The following ZEB2 variants were observed in gnomAD, a reference collection of about 807,000 sequenced individuals.
The protein encoded by ZEB2 is zinc finger E-box binding homeobox 2.
Under a neutral mutation model 99.9 loss-of-function variants are expected in ZEB2, and 6 were observed. The observed-to-expected ratio is 0.06, with a 90% CI of 0.03 to 0.12. The LOEUF (loss-of-function observed/expected upper bound fraction) is 0.12, where lower values mean the gene tolerates loss of function less well. Ranked by LOEUF, ZEB2 falls within the 10% of genes least tolerant of loss-of-function variation. The pLI, the probability that ZEB2 is intolerant of heterozygous loss-of-function variation, is 1.00. For missense variants in ZEB2, 969 were observed against 1,502.8 expected (o/e 0.64, Z 5.87); for synonymous variants, 517 against 542.5 (o/e 0.95, Z 0.65).
intron 3 of ZEB2, among the ~76,000 whole-genome samples, chr2:144,425,179 GTCAAAAGCAACTAAGTA>G (rs752308470): frequency 1.3e-5 from 2 of 152,176 alleles, no homozygotes; most frequent in Non-Finnish European, 2.9e-5. Flanking sequence ...TTCAATAAGA[GTCAAAAGCAACTAAGTA>G]TTTGCACTCA....
intron 2 of ZEB2, chr2:144,512,552 G>A (rs551705921): frequency 3.9e-6 from 5 of 1,287,010 alleles, no homozygotes; most frequent in Non-Finnish European, 5.1e-6. Context: ...CTTTAATCTT[G>A]GTTTTACCCT....
At chr2:144,504,425 C>T (rs148712878) in intron 2 of ZEB2, 3 of 152,896 alleles carry the variant, frequency 2.0e-5, no homozygotes, top group Admixed American at 1.3e-4. Flanking sequence ...AACCTCCCCC[C>T]ACCCCTCTGT....
At chr2:144,513,807 G>A in intron 2 of ZEB2, 2 of 1,536,160 alleles carry the variant, frequency 1.3e-6, no homozygotes, top group Non-Finnish European at 1.7e-6. Context: ...GCTGTGTGGA[G>A]ATAGTGGGGT....
In ZEB2 at chr2:144,497,903, C is replaced by T. The variant is rs1283431591; in HGVS notation, c.73+19375G>A. ...TCAACATATATATATATGTCATTCT[C>T]AACATATATATTATATATTATATAA... is the stretch of plus-strand genomic sequence containing the variant. On this transcript the variant is annotated intron_variant, in intron 2 of 9. Coordinates refer to ENST00000627532, the MANE Select transcript of ZEB2 (RefSeq NM_014795.4). 1.1e-3 allele frequency: 7 copies of T among 6,132 alleles called. 1 individual carries two copies. Among genetic ancestry groups the T allele is most frequent in the African/African-American group, 3.4e-3 (6 of 1,790 alleles). 0.4% of individuals were successfully genotyped at this position (6,132 alleles called of 1,614,324 possible).
At chr2:144,476,755 C>T (rs1704435717) in intron 2 of ZEB2, among the ~76,000 whole-genome samples, 1 of 152,188 alleles carries the variant, frequency 6.6e-6, no homozygotes. Context: ...CAAAGTTCTA[C>T]AATTTTATGT....
chr2:144,508,576 T>G (rs1704983701), intron 2 of ZEB2, among the ~76,000 whole-genome samples: 1 of 152,016 alleles, frequency 6.6e-6, no homozygotes, highest in Non-Finnish European at 1.5e-5. Context: ...GTTATTCTTG[T>G]GCCCAGCAAA....
In ZEB2 at chr2:144,429,868, G is replaced by A. The variant is rs1703745508; in HGVS notation, c.232C>T (p.Leu78=). ...TCTTCCTCTTCCTCTCTTGGCAACA[G>A]AGCTTGGCTCACGTGTGGGGAGGAC... The part of the protein sequence containing the change: ...HESSPHVSQA[L]LPREEEEDEI... The change falls in exon 3 of 10, where the codon CTG becomes TTG. Residue 78 remains leucine (L), a synonymous_variant. Coordinates refer to ENST00000627532, the MANE Select transcript of ZEB2 (RefSeq NM_014795.4). 2 of 1,613,680 alleles carry A rather than the reference G, an allele frequency of 1.2e-6. No homozygotes were observed. The highest frequency in any genetic ancestry group is 2.2e-5 in the South Asian group (2 of 91,080).
chr2:144,424,394 T>G (rs1703662049), intron 4 of ZEB2: 2 of 520,772 alleles, frequency 3.8e-6, no homozygotes, highest in African/African-American at 3.8e-5. Flanking sequence ...AATTTTACAG[T>G]CTAAATTACA....
At chr2:144,481,323 C>A (rs1036919070) in intron 2 of ZEB2, among the ~76,000 whole-genome samples, 1 of 152,172 alleles carries the variant, frequency 6.6e-6, no homozygotes, top group African/African-American at 2.4e-5. Context: ...GTATGTGGCC[C>A]GAGCACATGG....
At chr2:144,409,782 G>A (rs1198775766) in intron 4 of ZEB2, among the ~76,000 whole-genome samples, 3 of 152,102 alleles carry the variant, frequency 2.0e-5, no homozygotes, top group African/African-American at 4.8e-5. Context: ...CCTGCTACTG[G>A]GGAGGCAGAG....
chr2:144,515,754 A>G (rs185146705), intron 2 of ZEB2, among the ~76,000 whole-genome samples: 74 of 150,680 alleles, frequency 4.9e-4, no homozygotes, highest in South Asian at 8.4e-4. Flanking sequence ...CAACAAGCAA[A>G]AGACACACAC....
chr2:144,396,260 A>C (rs988284648), intron 9 of ZEB2, 152 bp downstream of exon 9: 1 of 969,636 alleles, frequency 1.0e-6, no homozygotes, highest in Non-Finnish European at 1.6e-6. Flanking sequence ...GGCAACAAAA[A>C]AGTCCTACTG....
intron 8 of ZEB2, 38 bp downstream of exon 8, chr2:144,398,263 C>A (rs1445061346): frequency 6.2e-7 from 1 of 1,610,742 alleles, no homozygotes; most frequent in Non-Finnish European, 8.5e-7. Flanking sequence ...TAATTGCCAC[C>A]TCTTTTCTTC....
chr2:144,472,937 A>G lies in ZEB2; in HGVS notation c.74-42911T>C, dbSNP rs150672681. 2.9e-3 allele frequency among the ~76,000 whole-genome samples: 449 copies of G among 152,322 alleles called. 2 individuals carry two copies. Among genetic ancestry groups the G allele is most frequent in the African/African-American group, 0.01 (433 of 41,582 alleles). On this transcript the variant is annotated intron_variant, in intron 2 of 9. Coordinates refer to ENST00000627532, the MANE Select transcript of ZEB2 (RefSeq NM_014795.4). ...GAAGCCAGTCCAGAGAGCAGCTGGC[A>G]GTCTCAATGGAGCTCAGAGAGAATG... is the stretch of plus-strand genomic sequence containing the variant.
At chr2:144,393,862 A>G (rs1412102484) in intron 9 of ZEB2, among the ~76,000 whole-genome samples, 1 of 152,240 alleles carries the variant, frequency 6.6e-6, no homozygotes, top group Non-Finnish European at 1.5e-5. Flanking sequence ...AGCAGCTCTC[A>G]CATCTTGAAG....
chr2:144,509,502 C>G (rs1292804473), intron 2 of ZEB2, among the ~76,000 whole-genome samples: 1 of 152,104 alleles, frequency 6.6e-6, no homozygotes, highest in Admixed American at 6.5e-5. Context: ...TAGTTTTGCT[C>G]TTATAAGTGA....
chr2:144,461,133 A>T (rs1295110088), intron 2 of ZEB2: 1 of 149,454 alleles, frequency 6.7e-6, no homozygotes, highest in Non-Finnish European at 1.5e-5. Flanking sequence ...AAAACCAAGT[A>T]GAAGGGGAAT....
At chr2:144,407,657 A>T (rs1419739576) in intron 4 of ZEB2, among the ~76,000 whole-genome samples, 1 of 152,248 alleles carries the variant, frequency 6.6e-6, no homozygotes, top group East Asian at 1.9e-4. Flanking sequence ...CACTGATTTT[A>T]TCAGTGACTG....
rs1703229134 is a variant in ZEB2, at chr2:144,396,352, A to G, written c.3067+60T>C. 2.5e-6 allele frequency: 4 copies of G among 1,585,974 alleles called. No homozygotes were observed. The South Asian group carries it at 3.3e-5, about 13-fold the overall frequency. On this transcript the variant is annotated intron_variant, in intron 9 of 9. Transcript: ENST00000627532. ...TATGTTGCACAAGTGTGCTCATTAA[A>G]TATTATGAAATGTACAGCAGGACGG... is the stretch of plus-strand genomic sequence containing the variant.
Sources: gnomAD v4.1 joint callset for allele counts (sites outside exome capture counted in the v4.1 genomes callset) on GRCh38, gnomAD v4.1.1 for gene constraint, MANE v1.5 for transcripts, NCBI Gene and HGNC (gene_info 2026-07-23, HGNC 2026-07-21) for gene names.